FHAD1: variants seen among roughly 807,000 people sequenced by gnomAD.
FHAD1 encodes the protein forkhead associated phosphopeptide binding domain 1.
Under a neutral mutation model 191.3 loss-of-function variants are expected in FHAD1, and 146 were observed. That is an observed-to-expected ratio of 0.76 (90% CI 0.67 to 0.88). The LOEUF (loss-of-function observed/expected upper bound fraction) is 0.88. Among genes scored for constraint, FHAD1 ranks in the 40% least tolerant of loss-of-function variants. The pLI is 0.00. For missense variants in FHAD1, 1,635 were observed against 1,785.8 expected, an observed-to-expected ratio of 0.92 and a Z score of 1.52; for synonymous variants, 616 against 672.3, an observed-to-expected ratio of 0.92 and a Z score of 1.29.
intron 3 of FHAD1, among the ~76,000 whole-genome samples, chr1:15,281,475 C>T (rs1374513580): frequency 6.6e-6 from 1 of 151,752 alleles, no homozygotes; most frequent in Admixed American, 6.6e-5. Flanking sequence ...AATTAAATAA[C>T]CTGGCCAGGC....
At position 15,342,832 on chromosome 1, in the gene FHAD1, AT is replaced by A. The variant is rs1030106573; in HGVS notation, c.2130+953del. On this transcript the variant is annotated intron_variant, in intron 16 of 33. Coordinates refer to ENST00000688493, the MANE Select transcript of FHAD1 (RefSeq NM_001391957.1). ...ATGGCACTACACCCAGCTAATTATT[AT>A]TTTTTTTTGTAGAGATGGGATCTTG... Among the ~76,000 whole-genome samples the A allele has an allele frequency of 9.5e-5, 14 of 148,062 alleles. No homozygotes were observed. In the South Asian group the frequency reaches 1.3e-3, roughly 14 times the overall value.
rs1261117387 is a variant in FHAD1, at chr1:15,388,148, G to A, written c.4269+17G>A. On this transcript the variant is annotated intron_variant, in intron 32 of 33. Coordinates refer to ENST00000688493, the MANE Select transcript of FHAD1 (RefSeq NM_001391957.1). ...GACAGGCAGGTATGGGAGGTGTTCT[G>A]ATGTTGCAGACACAGAGTAGAGACA... 1 of 1,277,826 alleles carries A rather than the reference G, an allele frequency of 7.8e-7. No individual in the cohort carries two copies. The highest frequency in any genetic ancestry group is 2.3e-5 in the Admixed American group (1 of 43,552). The allele number at this position is 1,277,826 out of a possible 1,614,324, so 79.2% of individuals were successfully genotyped here.
intron 26 of FHAD1, among the ~76,000 whole-genome samples, chr1:15,370,560 C>T (rs1359201201): frequency 6.6e-6 from 1 of 152,196 alleles, no homozygotes. Flanking sequence ...AAACTGCCTT[C>T]CCGAAGAGCC....
intron 28 of FHAD1, among the ~76,000 whole-genome samples, chr1:15,379,444 C>T (rs1700392095): frequency 6.6e-6 from 1 of 152,256 alleles, no homozygotes; most frequent in Non-Finnish European, 1.5e-5. Flanking sequence ...AACGTACAAT[C>T]GGGTTTTATA....
intron 3 of FHAD1, among the ~76,000 whole-genome samples, chr1:15,278,475 CTTTTTT>C (rs34110532): frequency 8.0e-6 from 1 of 124,324 alleles, no homozygotes; most frequent in African/African-American, 3.3e-5. Flanking sequence ...TTCATTACCT[CTTTTTT>C]TTTTTTTTTT....
At chr1:15,360,398 T>G in intron 21 of FHAD1, 80 bp from the exon 22 acceptor site, 1 of 1,266,988 alleles carries the variant, frequency 7.9e-7, no homozygotes, top group Non-Finnish European at 1.1e-6. Context: ...TTAGCACCTA[T>G]GTGTGTGCCC....
At chr1:15,348,770 C>T (rs1052071437) in intron 18 of FHAD1, among the ~76,000 whole-genome samples, 11 of 152,236 alleles carry the variant, frequency 7.2e-5, no homozygotes, top group African/African-American at 2.6e-4. Flanking sequence ...GCTTCAGATC[C>T]TGGCCTCACC....
intron 3 of FHAD1, among the ~76,000 whole-genome samples, chr1:15,278,272 C>T (rs1659195560): frequency 6.6e-6 from 1 of 152,136 alleles, no homozygotes; most frequent in Non-Finnish European, 1.5e-5. Flanking sequence ...TACCAACCTC[C>T]ACTCATAACA....
intron 2 of FHAD1, among the ~76,000 whole-genome samples, chr1:15,270,664 C>T (rs1341728002): frequency 6.6e-6 from 1 of 152,118 alleles, no homozygotes; most frequent in Non-Finnish European, 1.5e-5. Context: ...AAAAGCTGGA[C>T]AGGGCACCCT....
At chr1:15,272,188 A>G in intron 2 of FHAD1, 135 bp from the exon 3 acceptor site, 2 of 797,316 alleles carry the variant, frequency 2.5e-6, no homozygotes, top group South Asian at 1.7e-5. Context: ...TCTGATCCTC[A>G]GCCTCCTCCT....
At chr1:15,279,704 T>C (rs1355622713) in intron 3 of FHAD1, among the ~76,000 whole-genome samples, 2 of 152,084 alleles carry the variant, frequency 1.3e-5, no homozygotes, top group African/African-American at 2.4e-5. Context: ...AGCGTCTTCA[T>C]TGGCTTCGTT....
At position 15,365,860 on chromosome 1, in the gene FHAD1, G is replaced by A. The variant is rs1696261118; in HGVS notation, c.3081G>A (p.Leu1027=). 6.4e-7 allele frequency: 1 copy of A among 1,551,446 alleles called. No homozygotes were observed. Among genetic ancestry groups the A allele is most frequent in the Admixed American group, 2.0e-5 (1 of 50,964 alleles). ...DDLLAAQKEI[L]SQQEVIMKLR... ...TATTGGCTGCTCAGAAGGAAATTCT[G>A]TCTCAGCAGGAAGTCATCATGAAGT... Residue 1027 remains leucine, a synonymous_variant, in exon 24 of 34, where the codon CTG becomes CTA. Transcript: ENST00000688493.
At chr1:15,338,922 G>GT (rs1412413311) in intron 14 of FHAD1, among the ~76,000 whole-genome samples, 2 of 152,204 alleles carry the variant, frequency 1.3e-5, no homozygotes, top group Non-Finnish European at 2.9e-5. Flanking sequence ...TTCACACACA[G>GT]TAGACAGTAA....
intron 2 of FHAD1, among the ~76,000 whole-genome samples, chr1:15,254,866 A>T (rs1557924389): frequency 6.6e-6 from 1 of 152,210 alleles, no homozygotes; most frequent in Non-Finnish European, 1.5e-5. Flanking sequence ...TGCTTTAAGA[A>T]GGGATGTGGG....
At position 15,290,406 on chromosome 1, in the gene FHAD1, A is replaced by G. The variant is rs535971302; in HGVS notation, c.568+740A>G. Among the ~76,000 whole-genome samples the G allele has an allele frequency of 2.1e-3, 325 of 152,258 alleles. 1 individual carries two copies. The highest frequency in any genetic ancestry group is 7.5e-3 in the African/African-American group (312 of 41,556). On this transcript the variant is annotated intron_variant, in intron 4 of 33. Transcript: ENST00000688493. ...AGTTCCTCCCTAGCCTATGGCATCA[A>G]GGTCCCATTTTCTGTCCTCTTTGTC...
Position 15,327,185 on chromosome 1 carries a change from T to G in FHAD1, c.1557+43T>G. 1 of 1,248,590 alleles carries G rather than the reference T, an allele frequency of 8.0e-7. No homozygotes were observed. 77.3% of individuals were successfully genotyped at this position (1,248,590 alleles called of 1,614,324 possible). Reference sequence around the variant, plus strand: ...GCCACGTGGCTCCTTCACTTTCCTCTTCTTCTTCTTCGTGGATCTGGATTC... The same window carrying G: ...GCCACGTGGCTCCTTCACTTTCCTCGTCTTCTTCTTCGTGGATCTGGATTC... On this transcript the variant is annotated intron_variant, in intron 12 of 33. Coordinates refer to ENST00000688493, the MANE Select transcript of FHAD1 (RefSeq NM_001391957.1). This position sits in a 1 kb window ranked among gnomAD's most constrained non-coding sequence, Gnocchi z 5.1.
intron 3 of FHAD1, among the ~76,000 whole-genome samples, chr1:15,283,270 T>A (rs1417619415): frequency 2.0e-5 from 3 of 152,212 alleles, no homozygotes; most frequent in African/African-American, 7.2e-5. Context: ...ACTGCGGCCC[T>A]GTTTTAGCTG....
rs1672376953 is a variant in FHAD1 at position 15,311,875 on chromosome 1, C to CAA, written c.1040-1182_1040-1181insAA. Among the ~76,000 whole-genome samples, 4 of 152,336 alleles carry CAA rather than the reference C, an allele frequency of 2.6e-5. No individual in the cohort carries two copies. In the South Asian group the frequency reaches 8.3e-4, roughly 32 times the overall value. On this transcript the variant is annotated intron_variant, in intron 7 of 33. Transcript: ENST00000688493. The surrounding 1 kb of genome is among the most constrained non-coding windows in gnomAD (Gnocchi z 4.1). The stretch of plus-strand genomic sequence containing the variant: ...TTCAGGAACTTGGGAGTGACTTAGT[C>CAA]TGGCTCAGGGTCTCTCACGAGGTTG...
downstream of FHAD1, among the ~76,000 whole-genome samples, chr1:15,402,764 T>C (rs1707154601): frequency 6.6e-6 from 1 of 152,174 alleles, no homozygotes; most frequent in African/African-American, 2.4e-5. Flanking sequence ...GCCCAGACTT[T>C]ATACCCACAA....
Sources: gnomAD v4.1 joint callset for allele counts (sites outside exome capture counted in the v4.1 genomes callset) on GRCh38, gnomAD v4.1.1 for gene constraint, Gnocchi (gnomAD v3.1) non-coding constraint, MANE v1.5 for transcripts, NCBI Gene and HGNC (gene_info 2026-07-23, HGNC 2026-07-21) for gene names.